KDM6A: variants seen among roughly 807,000 people sequenced by gnomAD.
KDM6A encodes the protein lysine-specific demethylase 6A.
A neutral mutation model predicts 117.6 loss-of-function variants in KDM6A; 11 were observed. The observed-to-expected ratio is 0.09, with a 90% confidence interval of 0.06 to 0.15. KDM6A has a LOEUF of 0.15. KDM6A is among the 10% of genes least tolerant of loss of function. The pLI is 1.00. For synonymous variants in KDM6A, 384 were observed against 396.1 expected (o/e 0.97, Z 0.36); for missense variants, 799 against 1,077.3 (o/e 0.74, Z 3.62).
At chrX:44,920,313 C>T (rs1372387036) in intron 2 of KDM6A, among the ~76,000 whole-genome samples, 2 of 111,503 alleles carry the variant, frequency 1.8e-5, no homozygotes, top group Admixed American at 1.9e-4. Context: ...TGGATTGATT[C>T]GTTTATAGTT....
At chrX:44,991,336 T>G (rs772861168) in intron 4 of KDM6A, among the ~76,000 whole-genome samples, 3 of 110,557 alleles carry the variant, frequency 2.7e-5, no homozygotes, top group East Asian at 5.7e-4. Context: ...TCTCTCTCTC[T>G]CTTTCTCTCT....
chrX:45,009,467 A>T (rs1200638604), intron 4 of KDM6A, among the ~76,000 whole-genome samples: 1 of 111,273 alleles, frequency 9.0e-6, no homozygotes, highest in Non-Finnish European at 1.9e-5. Flanking sequence ...ACCTGTTTTT[A>T]TCAGCAAGGT....
At chrX:45,063,313 T>G (rs2044384371) in intron 16 of KDM6A, 109 bp from the exon 17 acceptor site, 2 of 733,974 alleles carry the variant, frequency 2.7e-6, no homozygotes, top group Non-Finnish European at 4.2e-6. Flanking sequence ...ACACATTCCC[T>G]AATTATACAT....
At chrX:44,927,559 A>C (rs1309162854) in intron 2 of KDM6A, among the ~76,000 whole-genome samples, 1 of 110,279 alleles carries the variant, frequency 9.1e-6, no homozygotes, top group Non-Finnish European at 1.9e-5. Context: ...GAGAGCAGAG[A>C]GGCCTCCAGC....
chrX:45,061,709 C>G (rs1481482476), intron 15 of KDM6A, among the ~76,000 whole-genome samples: 2 of 108,765 alleles, frequency 1.8e-5, no homozygotes, highest in African/African-American at 3.4e-5. Context: ...CCAGACTGGT[C>G]TTGCACTCCT....
intron 2 of KDM6A, among the ~76,000 whole-genome samples, chrX:44,931,099 G>A (rs982212000): frequency 9.1e-6 from 1 of 110,495 alleles, no homozygotes; most frequent in Non-Finnish European, 1.9e-5. Context: ...TGGAGACAGA[G>A]TCTCATTCAC....
Position 44,917,315 on chromosome X carries a change from C to T in KDM6A, c.225+43328C>T, listed in dbSNP as rs529698062. On this transcript the variant is annotated intron_variant, in intron 2 of 29. Transcript: ENST00000611820. ...GTGCTGGGATTACAAGGGTGAGCCACGGAGCCCAGCCATATTTTCTTGATC... is the reference window on the plus strand; with the variant it reads ...GTGCTGGGATTACAAGGGTGAGCCATGGAGCCCAGCCATATTTTCTTGATC... Among the ~76,000 whole-genome samples the T allele has an allele frequency of 6.2e-4, 69 of 111,323 alleles. 1 individual carries two copies. The highest frequency in any genetic ancestry group is 2.0e-3 in the African/African-American group (60 of 30,555).
chrX:45,006,996 G>T (rs553878576), intron 4 of KDM6A, among the ~76,000 whole-genome samples: 1 of 111,531 alleles, frequency 9.0e-6, no homozygotes, highest in Admixed American at 9.5e-5. Context: ...GGCTTTACCA[G>T]TATGATCTTA....
chrX:45,093,376 A>C (rs1425808935), intron 27 of KDM6A, among the ~76,000 whole-genome samples: 2 of 106,813 alleles, frequency 1.9e-5, no homozygotes, highest in Non-Finnish European at 3.8e-5. Context: ...CTCTCTCTCA[A>C]AAAAAAAACA....
At chrX:45,062,441 G>A (rs1277110609) in intron 15 of KDM6A, among the ~76,000 whole-genome samples, 1 of 112,086 alleles carries the variant, frequency 8.9e-6, no homozygotes, top group Non-Finnish European at 1.9e-5. Flanking sequence ...AGTAAATCTT[G>A]TTCAGATGAA....
chrX:45,044,986 T>C (rs1213403598), intron 8 of KDM6A, among the ~76,000 whole-genome samples: 2 of 111,648 alleles, frequency 1.8e-5, no homozygotes, highest in Non-Finnish European at 3.8e-5. Context: ...ATAAGTATTT[T>C]ACACGAATCC....
chrX:44,968,345 G>C (rs1327347169), intron 3 of KDM6A, among the ~76,000 whole-genome samples: 1 of 112,523 alleles, frequency 8.9e-6, no homozygotes, highest in East Asian at 2.8e-4. Context: ...TCTTGAAGTG[G>C]GATATGAGTG....
chrX:44,957,112 A>C (rs1267893231), intron 2 of KDM6A, among the ~76,000 whole-genome samples: 1 of 110,768 alleles, frequency 9.0e-6, no homozygotes, highest in Non-Finnish European at 1.9e-5. Flanking sequence ...CCTGGGCAAC[A>C]AGAGTGAAAC....
In KDM6A at chrX:45,104,639, C is replaced by CCT. The variant is rs771112002; in HGVS notation, c.4035-2760_4035-2759dup. 1.8e-3 allele frequency among the ~76,000 whole-genome samples: 203 copies of CCT among 110,702 alleles called. 1 individual carries two copies. Among genetic ancestry groups the CCT allele is most frequent in the African/African-American group, 6.4e-3 (197 of 30,549 alleles). ...CTCATTACTGTGGACTCCATAAGAG[C>CCT]CTCTCTCTCTCTAAATTCTTCTGTT... On this transcript the variant is annotated intron_variant, in intron 27 of 29. Transcript: ENST00000611820.
chrX:45,068,561 T>TAA lies in KDM6A; in HGVS notation c.2080-1001_2080-1000dup, dbSNP rs779354016. The stretch of plus-strand genomic sequence containing the variant: ...AATGTCTTTTTCTCCCCTTTTTTTT[T>TAA]AAAAAAAAAAAAAAAAAAGAGAGAC... On this transcript the variant is annotated intron_variant, in intron 17 of 29. Coordinates refer to ENST00000611820, the MANE Select transcript of KDM6A (RefSeq NM_001291415.2). Among the ~76,000 whole-genome samples, 179 of 70,501 alleles carry TAA rather than the reference T, an allele frequency of 2.5e-3. 1 individual carries two copies. Among genetic ancestry groups the TAA allele is most frequent in the African/African-American group, 0.014 (170 of 11,806 alleles). The allele number at this position is 70,501 out of a possible 115,157, so 61.2% of individuals were successfully genotyped here.
intron 4 of KDM6A, among the ~76,000 whole-genome samples, chrX:45,003,222 G>A (rs908861385): frequency 9.1e-6 from 1 of 109,677 alleles, no homozygotes; most frequent in African/African-American, 3.3e-5. Flanking sequence ...AATACCCATT[G>A]TGTCTTTTTC....
chrX:45,076,355 A>G (rs1044407700), intron 18 of KDM6A, among the ~76,000 whole-genome samples: 1 of 111,663 alleles, frequency 9.0e-6, no homozygotes, highest in Non-Finnish European at 1.9e-5. Flanking sequence ...ATATTTTAAC[A>G]TTGATGGAAA....
At chrX:44,987,064 C>CT (rs1294951795) in intron 4 of KDM6A, among the ~76,000 whole-genome samples, 1 of 111,405 alleles carries the variant, frequency 9.0e-6, no homozygotes, top group Non-Finnish European at 1.9e-5. Flanking sequence ...TTGTAGGTCT[C>CT]TAAGGACTTG....
At chrX:45,031,683 T>G (rs1238954297) in intron 6 of KDM6A, among the ~76,000 whole-genome samples, 1 of 111,819 alleles carries the variant, frequency 8.9e-6, no homozygotes, top group Non-Finnish European at 1.9e-5. Flanking sequence ...TTGCTTGTTT[T>G]CGGGATTGGG....
Sources: allele counts gnomAD v4.1 joint callset (sites outside exome capture counted in the v4.1 genomes callset), GRCh38; gene constraint gnomAD v4.1.1; transcripts MANE v1.5; gene names NCBI Gene and HGNC (gene_info 2026-07-23, HGNC 2026-07-21).